VIPR2: variants seen among roughly 807,000 people sequenced by gnomAD.
The protein encoded by VIPR2 is vasoactive intestinal polypeptide receptor 2.
VIPR2 carries 48 observed loss-of-function variants against 58.0 expected under a neutral mutation model. That is an observed-to-expected ratio of 0.83 (90% CI 0.66 to 1.05). VIPR2 has a LOEUF of 1.05. VIPR2 is among the 50% of genes least tolerant of loss of function. VIPR2 has a pLI of 0.00. For synonymous variants in VIPR2, 243 were observed against 235.2 expected (o/e 1.03, Z -0.30); for missense variants, 534 against 558.0 (o/e 0.96, Z 0.43).
At chr7:159,117,056 C>T in intron 2 of VIPR2, 1 of 466,564 alleles carries the variant, frequency 2.1e-6, no homozygotes, top group East Asian at 3.5e-5. Flanking sequence ...TCCATTTTGT[C>T]CTCCCAGCAA....
intron 4 of VIPR2, among the ~76,000 whole-genome samples, chr7:159,094,498 C>G (rs1857704733): frequency 6.6e-6 from 1 of 152,212 alleles, no homozygotes; most frequent in Non-Finnish European, 1.5e-5. Context: ...TGCACAGGCA[C>G]CGGAGACATC....
chr7:159,127,516 A>G lies in VIPR2; in HGVS notation c.151+14930T>C, dbSNP rs753942089. Among the ~76,000 whole-genome samples, 4 of 152,230 alleles carry G rather than the reference A, an allele frequency of 2.6e-5. No individual in the cohort carries two copies. Among genetic ancestry groups the G allele is most frequent in the Non-Finnish European group, 4.4e-5 (3 of 68,044 alleles). On this transcript the variant is annotated intron_variant, in intron 2 of 12. Transcript: ENST00000262178. The surrounding 1 kb of genome is among the most constrained non-coding windows in gnomAD (Gnocchi z 4.6). ...TCCAAAACAACCCAAACATCCAAGT[A>G]TGCTCCAAATTGAGCCTGAGTCAGT... is the stretch of plus-strand genomic sequence containing the variant.
At chr7:159,059,863 C>T (rs1490162698) in intron 4 of VIPR2, among the ~76,000 whole-genome samples, 4 of 151,098 alleles carry the variant, frequency 2.6e-5, no homozygotes, top group Non-Finnish European at 5.9e-5. Context: ...CTCATCTAAC[C>T]CATACTCCAC....
chr7:159,041,275 G>A (rs373768549), intron 6 of VIPR2, among the ~76,000 whole-genome samples: 11 of 152,204 alleles, frequency 7.2e-5, no homozygotes, highest in African/African-American at 2.4e-4. Flanking sequence ...ACTCTGCCTC[G>A]GAGGTTCTGG....
chr7:159,101,086 C>A (rs545362635), intron 4 of VIPR2, among the ~76,000 whole-genome samples: 1 of 144,636 alleles, frequency 6.9e-6, no homozygotes, highest in African/African-American at 2.6e-5. Flanking sequence ...TGGTAGTGAA[C>A]GGGTCTCACG....
At chr7:159,144,171 G>T in intron 1 of VIPR2, 3 of 863,236 alleles carry the variant, frequency 3.5e-6, no homozygotes, top group East Asian at 3.3e-5. Flanking sequence ...AGAACTCCAT[G>T]TGCGAAGGCA....
chr7:159,092,897 C>T (rs946037593), intron 4 of VIPR2, among the ~76,000 whole-genome samples: 1 of 152,130 alleles, frequency 6.6e-6, no homozygotes. Context: ...CAGCGTGGAG[C>T]TGCCAGCAAG....
intron 5 of VIPR2, among the ~76,000 whole-genome samples, chr7:159,046,869 A>G (rs1854683691): frequency 6.6e-6 from 1 of 152,252 alleles, no homozygotes; most frequent in Admixed American, 6.5e-5. Context: ...TAAGAAAAAT[A>G]TTTTACAAAA....
In VIPR2 at chr7:159,035,957, G is replaced by A; in HGVS notation, c.804C>T (p.Asp268=). The change falls in exon 8 of 13, where the codon GAC becomes GAT. Residue 268 remains aspartate (D), a synonymous_variant. Transcript: ENST00000262178. ...CAGTCTGGTCATGGACTCACCCGGTGTCTTCTAAGTAGAGCCTGGCCGCAG... is the reference window on the plus strand; with the variant it reads ...CAGTCTGGTCATGGACTCACCCGGTATCTTCTAAGTAGAGCCTGGCCGCAG... ...AWTAARLYLE[D]TGCWDTNDHS... 1.2e-6 allele frequency: 2 copies of A among 1,613,670 alleles called. No homozygotes were observed. Among genetic ancestry groups the A allele is most frequent in the Non-Finnish European group, 1.7e-6 (2 of 1,179,794 alleles).
chr7:159,045,268 T>A (rs1437864138), intron 5 of VIPR2, among the ~76,000 whole-genome samples: 2 of 152,210 alleles, frequency 1.3e-5, no homozygotes, highest in Non-Finnish European at 2.9e-5. Context: ...TGAAGTCATG[T>A]GGAATTATGA....
chr7:159,071,984 T>C (rs72505596), intron 4 of VIPR2, among the ~76,000 whole-genome samples: 2 of 143,338 alleles, frequency 1.4e-5, no homozygotes, highest in South Asian at 4.5e-4. Context: ...CTGCAGCACC[T>C]GCTGGATGAA....
At chr7:159,092,400 C>T (rs1387846917) in intron 4 of VIPR2, among the ~76,000 whole-genome samples, 2 of 152,180 alleles carry the variant, frequency 1.3e-5, no homozygotes, top group Non-Finnish European at 2.9e-5. Context: ...CCCATTTATC[C>T]TCTCCTCTGG....
intron 5 of VIPR2, among the ~76,000 whole-genome samples, chr7:159,055,098 ACAT>A (rs781531186): frequency 1.3e-5 from 2 of 152,214 alleles, no homozygotes; most frequent in Non-Finnish European, 2.9e-5. Context: ...TTGGATAAAT[ACAT>A]CATATTTTTT....
rs1858065983 is a variant in VIPR2, at chr7:159,099,319, T to C, written c.357+4438A>G. ...GCATCAGGGGATCACAGAGCCACTA[T>C]GCTCACGCAGGCAGGGTTTACTTAC... On this transcript the variant is annotated intron_variant, in intron 4 of 12. Transcript: ENST00000262178. The surrounding 1 kb of genome is among the most constrained non-coding windows in gnomAD (Gnocchi z 4.2). Among the ~76,000 whole-genome samples the C allele has an allele frequency of 6.6e-6, 1 of 152,244 alleles. No homozygotes were observed. The highest frequency in any genetic ancestry group is 1.5e-5 in the Non-Finnish European group (1 of 68,044).
intron 2 of VIPR2, 51 bp downstream of exon 2, chr7:159,142,395 T>G (rs770509080): frequency 1.9e-5 from 27 of 1,424,598 alleles, no homozygotes; most frequent in Non-Finnish European, 2.4e-5. Flanking sequence ...TGAGGCGCAT[T>G]CCCGGGTGAG....
chr7:159,108,894 T>C (rs7784923), intron 3 of VIPR2, among the ~76,000 whole-genome samples: 7,696 of 152,200 alleles, frequency 0.051, 642 homozygotes, highest in African/African-American at 0.18. Context: ...AACTCAGGGG[T>C]GGGCAGTGAT....
chr7:159,107,202 G>A (rs1795787142), intron 3 of VIPR2, among the ~76,000 whole-genome samples: 1 of 152,198 alleles, frequency 6.6e-6, no homozygotes, highest in Non-Finnish European at 1.5e-5. Context: ...CACCTGTGCT[G>A]GATGGGCGGC....
intron 10 of VIPR2, 79 bp downstream of exon 10, chr7:159,034,134 G>T: frequency 6.9e-7 from 1 of 1,454,008 alleles, no homozygotes; most frequent in Non-Finnish European, 9.6e-7. Flanking sequence ...CACCTCCAGG[G>T]CCTTCCTGGC....
In VIPR2 at chr7:159,030,677, A is replaced by G. The variant is rs548150495; in HGVS notation, c.1256T>C (p.Leu419Pro). Residue 419 changes from leucine (L) to proline (P), a missense_variant, in exon 13 of 13, where the codon CTG becomes CCG. By Grantham distance (98) the Leu-to-Pro change is moderately conservative (BLOSUM62 -3). Transcript: ENST00000262178. Reference sequence around the variant, plus strand: ...GGCGCGGGAGCCGCGGTGGAACTGCAGGGCGCCCTCCGAGCCGTTGCGGGA... The same window carrying G: ...GGCGCGGGAGCCGCGGTGGAACTGCGGGGCGCCCTCCGAGCCGTTGCGGGA... Reference protein sequence around the residue: ...SFSRNGSEGALQFHRGSRAQS... With the variant: ...SFSRNGSEGAPQFHRGSRAQS... 302 of 1,567,954 alleles carry G rather than the reference A, an allele frequency of 1.9e-4. 1 individual carries two copies. The African/African-American group carries it at 2.3e-3, about 12-fold the overall frequency.
Sources: gnomAD v4.1 joint callset for allele counts (sites outside exome capture counted in the v4.1 genomes callset) on GRCh38, gnomAD v4.1.1 for gene constraint, Gnocchi (gnomAD v3.1) non-coding constraint, MANE v1.5 for transcripts, NCBI Gene and HGNC (gene_info 2026-07-23, HGNC 2026-07-21) for gene names.